ADCY5: variants seen among roughly 807,000 people sequenced by gnomAD.
The protein encoded by ADCY5 is adenylate cyclase 5.
In ADCY5, 30 loss-of-function variants were observed where a neutral mutation model predicts 119.7. The observed-to-expected ratio is 0.25, with a 90% CI of 0.19 to 0.34. The LOEUF (loss-of-function observed/expected upper bound fraction) is 0.34, where lower values mean the gene tolerates loss of function less well. ADCY5 is among the 10% of genes least tolerant of loss of function. The pLI, the probability that ADCY5 is intolerant of heterozygous loss-of-function variation, is 1.00. For synonymous variants in ADCY5, 753 were observed against 762.2 expected (o/e 0.99, Z 0.20); for missense variants, 1,324 against 1,775.2 (o/e 0.75, Z 4.57).
intron 1 of ADCY5, among the ~76,000 whole-genome samples, chr3:123,390,029 C>A (rs1158100630): frequency 6.6e-6 from 1 of 152,130 alleles, no homozygotes; most frequent in Admixed American, 6.5e-5. Flanking sequence ...GCTGGGTGCA[C>A]CAGGACAGAG....
At chr3:123,386,781 C>G (rs1273449982) in intron 1 of ADCY5, among the ~76,000 whole-genome samples, 1 of 152,126 alleles carries the variant, frequency 6.6e-6, no homozygotes, top group African/African-American at 2.4e-5. Context: ...CCTGCCAGCG[C>G]CCCCGACCCC....
chr3:123,348,071 A>ATGTGTGTGTG (rs1159589053), intron 2 of ADCY5, among the ~76,000 whole-genome samples, 168 bp from the exon 3 acceptor site: 84 of 50,184 alleles, frequency 1.7e-3, no homozygotes, highest in African/African-American at 2.7e-3. Context: ...GTGTCTGTGC[A>ATGTGTGTGTG]TGTGTGTGTA....
In ADCY5 at chr3:123,448,146, C is replaced by A; in HGVS notation, c.400G>T (p.Gly134Cys). The A allele has an allele frequency of 9.7e-7, 1 of 1,030,902 alleles. No individual in the cohort carries two copies. The highest frequency in any genetic ancestry group is 1.2e-6 in the Non-Finnish European group (1 of 865,202). 63.9% of individuals were successfully genotyped at this position (1,030,902 alleles called of 1,614,324 possible). A position where few individuals can be genotyped will look rare whatever the true frequency, so the allele number is the denominator to read the frequency against. ...GCCGCCGCCGAGCCGCCGCCGCCGC[C>A]CGCAGGGGGCGCCCGGGTGCTGCCC... The part of the protein sequence containing the change: ...SGGSTRAPPA[G>C]GGGGSAAAAA... Residue 134 changes from glycine to cysteine, a missense_variant, in exon 1 of 21, where the codon GGC (glycine) becomes TGC (cysteine). Gly to Cys is a radical substitution (Grantham distance 159, BLOSUM62 -3). Transcript: ENST00000462833.
chr3:123,435,851 TTTA>T (rs34160272), intron 1 of ADCY5, among the ~76,000 whole-genome samples: 27,777 of 125,592 alleles, frequency 0.22, 3,040 homozygotes, highest in African/African-American at 0.24. Flanking sequence ...CAAGAGCCCT[TTTA>T]TTATTATTAT....
At chr3:123,339,434 T>A (rs1328671302) in intron 3 of ADCY5, among the ~76,000 whole-genome samples, 1 of 151,994 alleles carries the variant, frequency 6.6e-6, no homozygotes, top group East Asian at 1.9e-4. Flanking sequence ...GAGAGGGGCA[T>A]GTGAACTGGC....
intron 3 of ADCY5, among the ~76,000 whole-genome samples, chr3:123,335,264 G>T (rs932484866): frequency 6.6e-6 from 1 of 152,140 alleles, no homozygotes; most frequent in African/African-American, 2.4e-5. Context: ...CCTCCTGACT[G>T]CCCTGGTGCC....
chr3:123,373,190 C>G (rs1943695260), intron 1 of ADCY5, among the ~76,000 whole-genome samples: 1 of 152,236 alleles, frequency 6.6e-6, no homozygotes, highest in Admixed American at 6.5e-5. Context: ...GCACACAAAT[C>G]AAGTAATGAC....
intron 7 of ADCY5, 62 bp downstream of exon 7, chr3:123,327,556 A>C: frequency 1.3e-6 from 2 of 1,502,670 alleles, no homozygotes; most frequent in Non-Finnish European, 1.8e-6. Context: ...GCAGCAGGTC[A>C]CGAAAATGTT....
chr3:123,393,353 AC>A (rs35432842), intron 1 of ADCY5, among the ~76,000 whole-genome samples: 27,477 of 151,858 alleles, frequency 0.18, 2,693 homozygotes, highest in East Asian at 0.39. Context: ...GGAGTTCAAA[AC>A]CAGCCTGAGC....
chr3:123,348,036 A>AGTGTGTGT (rs59441110), intron 2 of ADCY5, 133 bp from the exon 3 acceptor site: 6,495 of 468,436 alleles, frequency 0.014, 215 homozygotes, highest in African/African-American at 0.025. Flanking sequence ...CTGGGTTAAC[A>AGTGTGTGT]GTGTGTGTGT....
chr3:123,424,315 T>G (rs1290319589), intron 1 of ADCY5, among the ~76,000 whole-genome samples: 1 of 152,238 alleles, frequency 6.6e-6, no homozygotes, highest in Non-Finnish European at 1.5e-5. Context: ...AGCAGAGTCC[T>G]GGGCTGGGAG....
At chr3:123,425,523 G>C (rs1168967018) in intron 1 of ADCY5, among the ~76,000 whole-genome samples, 1 of 152,212 alleles carries the variant, frequency 6.6e-6, no homozygotes, top group Non-Finnish European at 1.5e-5. Context: ...AGTACATCTG[G>C]AAGAAGCAGC....
At chr3:123,426,382 G>C (rs953598718) in intron 1 of ADCY5, among the ~76,000 whole-genome samples, 1 of 150,160 alleles carries the variant, frequency 6.7e-6, no homozygotes, top group Non-Finnish European at 1.5e-5. Flanking sequence ...GGAGTGCAGT[G>C]GTGTGGTCTT....
intron 1 of ADCY5, among the ~76,000 whole-genome samples, chr3:123,393,878 T>C (rs887571473): frequency 6.7e-6 from 1 of 148,796 alleles, no homozygotes; most frequent in Admixed American, 6.7e-5. Flanking sequence ...GGTTCACACC[T>C]GTAATCCCAG....
At chr3:123,325,775 G>A (rs78186375) in intron 7 of ADCY5, among the ~76,000 whole-genome samples, 2 of 152,356 alleles carry the variant, frequency 1.3e-5, no homozygotes, top group Admixed American at 6.5e-5. Flanking sequence ...CTGTAAGTTC[G>A]ACTGTAAGAT....
intron 13 of ADCY5, among the ~76,000 whole-genome samples, chr3:123,303,838 AAAGAGAAGAG>A (rs780526569): frequency 1.5e-4 from 15 of 99,392 alleles, no homozygotes; most frequent in African/African-American, 4.5e-4. Flanking sequence ...ACTGGAAAGA[AAAGAGAAGAG>A]AAGAGAAGAG....
At position 123,345,765 on chromosome 3, in the gene ADCY5, G is replaced by GACACACACACACAC. The variant is rs1491192654; in HGVS notation, c.1406+2016_1406+2017insGTGTGTGTGTGTGT. 5.3e-3 allele frequency among the ~76,000 whole-genome samples: 724 copies of GACACACACACACAC among 135,356 alleles called. 13 individuals carry two copies. Among genetic ancestry groups the GACACACACACACAC allele is most frequent in the African/African-American group, 0.02 (665 of 32,994 alleles). 88.8% of individuals were successfully genotyped at this position (135,356 alleles called of 152,430 possible). ...AGACAGACAGACAGACAGACAGACA[G>GACACACACACACAC]ACAGACACACACACACACACACACA... On this transcript the variant is annotated intron_variant, in intron 3 of 20. Coordinates refer to ENST00000462833, the MANE Select transcript of ADCY5 (RefSeq NM_183357.3).
intron 4 of ADCY5, 30 bp from the exon 5 acceptor site, chr3:123,331,046 A>G (rs1438606734): frequency 6.3e-7 from 1 of 1,592,078 alleles, no homozygotes; most frequent in Non-Finnish European, 8.6e-7. Flanking sequence ...TACAAATTAA[A>G]AATAGTAGGA....
intron 11 of ADCY5, among the ~76,000 whole-genome samples, chr3:123,316,303 AG>A (rs1940909082): frequency 6.6e-6 from 1 of 152,184 alleles, no homozygotes; most frequent in South Asian, 2.1e-4. Context: ...GCAAAGGCTG[AG>A]GAACTATCAC....
Sources: allele counts gnomAD v4.1 joint callset (sites outside exome capture counted in the v4.1 genomes callset), GRCh38; gene constraint gnomAD v4.1.1; transcripts MANE v1.5; gene names NCBI Gene and HGNC (gene_info 2026-07-23, HGNC 2026-07-21).